The following FLVCR1 variants were observed in gnomAD, a reference collection of about 807,000 sequenced individuals.
FLVCR1 encodes the protein FLVCR choline and heme transporter 1.
A neutral mutation model predicts 53.6 loss-of-function variants in FLVCR1; 34 were observed. That is an observed-to-expected ratio of 0.63 (90% CI 0.48 to 0.84). FLVCR1 has a LOEUF of 0.84. Ranked by LOEUF, FLVCR1 falls within the 40% of genes least tolerant of loss-of-function variation. The probability of loss-of-function intolerance (pLI) is 0.00; values close to 1 mark genes in which losing one functional copy is unlikely to be tolerated. For synonymous variants in FLVCR1, 300 were observed against 286.3 expected (o/e 1.05, Z -0.48); for missense variants, 677 against 696.7 (o/e 0.97, Z 0.32).
At chr1:212,872,498 C>T (rs986469966) in intron 2 of FLVCR1, among the ~76,000 whole-genome samples, 180 bp from the exon 3 acceptor site, 3 of 152,102 alleles carry the variant, frequency 2.0e-5, no homozygotes, top group African/African-American at 7.2e-5. Flanking sequence ...TTAAACTATT[C>T]TTCACTTAGA....
chr1:212,861,585 G>A (rs972106276), intron 1 of FLVCR1, among the ~76,000 whole-genome samples: 2 of 152,070 alleles, frequency 1.3e-5, no homozygotes, highest in African/African-American at 4.8e-5. Context: ...CACTGTTTAC[G>A]TCTCAATCAC....
chr1:212,892,907 G>A (rs190264354), intron 8 of FLVCR1, among the ~76,000 whole-genome samples: 1 of 152,108 alleles, frequency 6.6e-6, no homozygotes, highest in African/African-American at 2.4e-5. Context: ...CATTCTCATG[G>A]ATGATTTTGA....
Position 212,872,836 on chromosome 1 carries a change from ACTTTCTTTAATGT to A in FLVCR1, c.1024+21_1024+33del. The A allele has an allele frequency of 6.2e-7, 1 of 1,612,994 alleles. No individual in the cohort carries two copies. The highest frequency in any genetic ancestry group is 8.5e-7 in the Non-Finnish European group (1 of 1,179,394). ...CACTTATGGTAAGTGGTTTTCTTGTACTTTCTTTAATGTCTGTGTGAGCCTTTCAGCATTGTGG... is the reference window on the plus strand; with the variant it reads ...CACTTATGGTAAGTGGTTTTCTTGTACTGTGTGAGCCTTTCAGCATTGTGG... On this transcript the variant is annotated intron_variant, in intron 3 of 9. Coordinates refer to ENST00000366971, the MANE Select transcript of FLVCR1 (RefSeq NM_014053.4).
rs777328745 is a variant in FLVCR1 at position 212,872,749 on chromosome 1, T to G, written c.955T>G (p.Tyr319Asp). Residue 319 changes from tyrosine to aspartate, a missense_variant, in exon 3 of 10, where the codon TAC (tyrosine) becomes GAC (aspartate). By Grantham distance (160) the Tyr-to-Asp change is radical. Transcript: ENST00000366971. ...AALQDSPPEE[Y>D]SYKKSIRNLF... ...TCTTCAAGACAGTCCCCCTGAAGAG[T>G]ACTCCTATAAGAAATCAATAAGAAA... is the stretch of plus-strand genomic sequence containing the variant. 6.2e-7 allele frequency: 1 copy of G among 1,613,448 alleles called. No homozygotes were observed. The highest frequency in any genetic ancestry group is 1.1e-5 in the South Asian group (1 of 91,072).
chr1:212,863,352 G>A (rs1262929234), intron 1 of FLVCR1, among the ~76,000 whole-genome samples: 9 of 152,168 alleles, frequency 5.9e-5, no homozygotes, highest in Non-Finnish European at 1.3e-4. Context: ...AGCACTTTGG[G>A]AGGCCGAGGC....
At chr1:212,879,976 T>A (rs1383960288) in intron 3 of FLVCR1, among the ~76,000 whole-genome samples, 1 of 44,448 alleles carries the variant, frequency 2.2e-5, no homozygotes, top group Non-Finnish European at 7.5e-5. Flanking sequence ...AACATAGTAT[T>A]TTTTTTTTTT....
At chr1:212,860,718 A>G (rs1436040875) in intron 1 of FLVCR1, among the ~76,000 whole-genome samples, 8 of 152,138 alleles carry the variant, frequency 5.3e-5, no homozygotes, top group Admixed American at 5.2e-4. Flanking sequence ...TTTCATGAAA[A>G]TAGGAATGTG....
At chr1:212,879,787 C>T (rs1221445649) in intron 3 of FLVCR1, among the ~76,000 whole-genome samples, 2 of 152,072 alleles carry the variant, frequency 1.3e-5, no homozygotes, top group Non-Finnish European at 1.5e-5. Context: ...AAACTCCTGA[C>T]CTCATGTGAT....
In FLVCR1 at chr1:212,889,348, G is replaced by A. The variant is rs41300987; in HGVS notation, c.1525+91G>A. 1,259 of 802,916 alleles carry A rather than the reference G, an allele frequency of 1.6e-3. 11 individuals carry two copies. In the African/African-American group the frequency reaches 0.019, roughly 12 times the overall value. 49.7% of individuals were successfully genotyped at this position (802,916 alleles called of 1,614,324 possible). A position where few individuals can be genotyped will look rare whatever the true frequency, so the allele number is the denominator to read the frequency against. On this transcript the variant is annotated intron_variant, in intron 8 of 9. Transcript: ENST00000366971. ...CTCAATAGCTTGACAGAACTCAAGG[G>A]GAAAAAAATGAGATAAAAAGCAGGA... is the stretch of plus-strand genomic sequence containing the variant.
intron 2 of FLVCR1, among the ~76,000 whole-genome samples, chr1:212,871,363 T>C (rs1331317437): frequency 2.0e-5 from 3 of 152,196 alleles, no homozygotes; most frequent in Non-Finnish European, 2.9e-5. Context: ...TGCTGTACCA[T>C]ATTTTAGCAG....
intron 2 of FLVCR1, among the ~76,000 whole-genome samples, chr1:212,866,206 A>T (rs1293596908): frequency 6.6e-6 from 1 of 151,690 alleles, no homozygotes; most frequent in Non-Finnish European, 1.5e-5. Flanking sequence ...GCTGGTCTCG[A>T]ACTTCTGACC....
intron 8 of FLVCR1, among the ~76,000 whole-genome samples, chr1:212,890,063 A>G (rs1665152851): frequency 6.6e-6 from 1 of 152,218 alleles, no homozygotes; most frequent in African/African-American, 2.4e-5. Flanking sequence ...AGTATGTGGA[A>G]TCCTTAGCTA....
intron 7 of FLVCR1, 72 bp downstream of exon 7, chr1:212,888,666 A>C: frequency 8.7e-7 from 1 of 1,145,738 alleles, no homozygotes; most frequent in Non-Finnish European, 1.3e-6. Flanking sequence ...GAGTTTGACC[A>C]TGGTTTTATT....
chr1:212,893,049 G>A (rs532312976), intron 8 of FLVCR1, among the ~76,000 whole-genome samples: 34 of 140,694 alleles, frequency 2.4e-4, no homozygotes, highest in African/African-American at 9.1e-4. Context: ...GAAATGAAGG[G>A]TTGCTTCTTT....
At chr1:212,873,828 G>A (rs775477570) in intron 3 of FLVCR1, among the ~76,000 whole-genome samples, 1 of 152,020 alleles carries the variant, frequency 6.6e-6, no homozygotes, top group Admixed American at 6.6e-5. Context: ...AATTAAGTCC[G>A]GACCTAAACT....
At chr1:212,869,091 A>T (rs970676045) in intron 2 of FLVCR1, among the ~76,000 whole-genome samples, 3 of 152,234 alleles carry the variant, frequency 2.0e-5, no homozygotes, top group African/African-American at 7.2e-5. Context: ...TACGGTTTTA[A>T]AATGTAAAAG....
chr1:212,893,119 G>A (rs1285703131), intron 8 of FLVCR1, among the ~76,000 whole-genome samples: 1 of 151,398 alleles, frequency 6.6e-6, no homozygotes, highest in East Asian at 1.9e-4. Context: ...GCAGTGGCGT[G>A]ATCTCGGCTC....
At chr1:212,877,686 G>GT (rs56783462) in intron 3 of FLVCR1, among the ~76,000 whole-genome samples, 3,264 of 127,118 alleles carry the variant, frequency 0.026, 101 homozygotes, top group Middle Eastern at 0.057. Context: ...TCTGATGATA[G>GT]TTTTTTTTTT....
At chr1:212,866,501 A>C (rs1463607312) in intron 2 of FLVCR1, among the ~76,000 whole-genome samples, 1 of 149,862 alleles carries the variant, frequency 6.7e-6, no homozygotes, top group Non-Finnish European at 1.5e-5. Context: ...AATCCTCTTC[A>C]ATTGCTTGTC....
Sources: allele counts gnomAD v4.1 joint callset (sites outside exome capture counted in the v4.1 genomes callset), GRCh38; gene constraint gnomAD v4.1.1; transcripts MANE v1.5; gene names NCBI Gene and HGNC (gene_info 2026-07-23, HGNC 2026-07-21).